Variants in AKAP6 observed in about 807,000 individuals in gnomAD.
The protein encoded by AKAP6 is A-kinase anchoring protein 6, also known as A-kinase anchor protein 6.
AKAP6 carries 58 observed loss-of-function variants against 188.5 expected under a neutral mutation model. That is an observed-to-expected ratio of 0.31 (90% CI 0.25 to 0.38). The LOEUF (loss-of-function observed/expected upper bound fraction) is 0.38, where lower values mean the gene tolerates loss of function less well. AKAP6 is among the 10% of genes least tolerant of loss of function. AKAP6 has a pLI of 1.00. For missense variants in AKAP6, 2,710 were observed against 2,740.0 expected (o/e 0.99, Z 0.24); for synonymous variants, 989 against 998.6 (o/e 0.99, Z 0.18).
rs748766033 is a variant in AKAP6 at position 32,823,856 on chromosome 14, TCTG to T, written c.6047_6049del (p.Ala2016del). 4.3e-6 allele frequency: 7 copies of T among 1,613,352 alleles called. No homozygotes were observed. The African/African-American group carries it at 6.7e-5, about 15-fold the overall frequency. On this transcript the variant is annotated inframe_deletion, in exon 13 of 14. Coordinates refer to ENST00000280979, the MANE Select transcript of AKAP6 (RefSeq NM_004274.5). ...TGATGCACCGAGTATGGCTGGAAAA[TCTG>T]CTGGTTGTTGCCTAGCACTTGAACA...
At chr14:32,391,492 G>A (rs988684892) in intron 1 of AKAP6, among the ~76,000 whole-genome samples, 2 of 152,176 alleles carry the variant, frequency 1.3e-5, no homozygotes, top group African/African-American at 2.4e-5. Flanking sequence ...TAAGAGGTTT[G>A]CTTTCCTTCA....
At chr14:32,380,077 A>T (rs1409260928) in intron 1 of AKAP6, among the ~76,000 whole-genome samples, 1 of 152,226 alleles carries the variant, frequency 6.6e-6, no homozygotes, top group African/African-American at 2.4e-5. Context: ...TCATTCTCAG[A>T]CTGAAGAAAC....
At chr14:32,403,882 T>A (rs1353216561) in intron 1 of AKAP6, among the ~76,000 whole-genome samples, 1 of 152,176 alleles carries the variant, frequency 6.6e-6, no homozygotes, top group Non-Finnish European at 1.5e-5. Flanking sequence ...CACTTCTGAG[T>A]CATCACATTG....
chr14:32,756,355 A>C (rs1162080153), intron 11 of AKAP6, among the ~76,000 whole-genome samples: 2 of 151,868 alleles, frequency 1.3e-5, no homozygotes, highest in Non-Finnish European at 2.9e-5. Flanking sequence ...TGAGTCATGG[A>C]GGTGGACCTG....
chr14:32,768,129 C>G (rs1243025973), intron 11 of AKAP6, among the ~76,000 whole-genome samples: 1 of 152,100 alleles, frequency 6.6e-6, no homozygotes, highest in Non-Finnish European at 1.5e-5. Flanking sequence ...GCCAACCTTC[C>G]CCCACAAAAC....
At chr14:32,412,409 GAAAT>G (rs1311509766) in intron 1 of AKAP6, among the ~76,000 whole-genome samples, 15 of 152,128 alleles carry the variant, frequency 9.9e-5, no homozygotes, top group Admixed American at 2.6e-4. Context: ...GTATCTTTTG[GAAAT>G]AAATTACATG....
At chr14:32,368,928 G>A (rs2138512604) in intron 1 of AKAP6, among the ~76,000 whole-genome samples, 1 of 152,054 alleles carries the variant, frequency 6.6e-6, no homozygotes, top group Middle Eastern at 3.4e-3. Flanking sequence ...TAAGGACAGG[G>A]ATAAGCCACT....
intron 7 of AKAP6, among the ~76,000 whole-genome samples, chr14:32,661,357 C>G (rs571553794): frequency 6.6e-6 from 1 of 152,112 alleles, no homozygotes; most frequent in African/African-American, 2.4e-5. Context: ...GCTTACCACA[C>G]CCTGGATATT....
intron 5 of AKAP6, among the ~76,000 whole-genome samples, chr14:32,597,181 A>G (rs1028310896): frequency 2.6e-5 from 4 of 152,152 alleles, no homozygotes; most frequent in African/African-American, 7.2e-5. Flanking sequence ...GGCTTCAATT[A>G]TATCAAATTA....
At chr14:32,561,125 A>G (rs891605782) in intron 4 of AKAP6, among the ~76,000 whole-genome samples, 1 of 152,192 alleles carries the variant, frequency 6.6e-6, no homozygotes, top group African/African-American at 2.4e-5. Context: ...CTTACTGTAT[A>G]AGTCTTCTAG....
intron 1 of AKAP6, among the ~76,000 whole-genome samples, chr14:32,410,421 C>T (rs1486608986): frequency 6.6e-6 from 1 of 152,098 alleles, no homozygotes; most frequent in African/African-American, 2.4e-5. Flanking sequence ...TTGAGTTGTC[C>T]TGCCTTTCCA....
chr14:32,816,850 T>C (rs1270843679), intron 12 of AKAP6, among the ~76,000 whole-genome samples: 1 of 152,214 alleles, frequency 6.6e-6, no homozygotes, highest in Non-Finnish European at 1.5e-5. Context: ...CTCTCCTGCC[T>C]GGTTTTTGCA....
chr14:32,439,883 A>T (rs1355771720), intron 2 of AKAP6, among the ~76,000 whole-genome samples: 1 of 152,210 alleles, frequency 6.6e-6, no homozygotes, highest in Non-Finnish European at 1.5e-5. Context: ...TTTCCAGCAC[A>T]TCTTAAATAT....
At chr14:32,422,626 G>C (rs186858960) in intron 1 of AKAP6, among the ~76,000 whole-genome samples, 4 of 152,286 alleles carry the variant, frequency 2.6e-5, no homozygotes, top group Admixed American at 2.0e-4. Flanking sequence ...CCACCCACAT[G>C]GTTGCCCAAA....
At chr14:32,479,715 C>T (rs1879243462) in intron 2 of AKAP6, among the ~76,000 whole-genome samples, 1 of 152,090 alleles carries the variant, frequency 6.6e-6, no homozygotes, top group South Asian at 2.1e-4. Flanking sequence ...GAGGTAGTCA[C>T]ATCATGAGGG....
intron 2 of AKAP6, among the ~76,000 whole-genome samples, chr14:32,505,743 G>A (rs1299103668): frequency 1.3e-5 from 2 of 152,068 alleles, no homozygotes; most frequent in African/African-American, 4.8e-5. Flanking sequence ...AAGTCATACG[G>A]TATTTATATC....
intron 2 of AKAP6, among the ~76,000 whole-genome samples, chr14:32,531,429 G>C (rs983615777): frequency 6.6e-6 from 1 of 152,180 alleles, no homozygotes; most frequent in Non-Finnish European, 1.5e-5. Context: ...GAATACGAAG[G>C]CAGTATGTGA....
intron 2 of AKAP6, among the ~76,000 whole-genome samples, chr14:32,514,831 G>C (rs1323748078): frequency 2.0e-5 from 3 of 152,166 alleles, no homozygotes; most frequent in Admixed American, 2.0e-4. Context: ...GTAATGGCCT[G>C]AACCCAGCAT....
At position 32,821,981 on chromosome 14, in the gene AKAP6, C is replaced by T. The variant is rs757924200; in HGVS notation, c.4168C>T (p.Pro1390Ser). The stretch of plus-strand genomic sequence containing the variant: ...CTTGCTCAATGCAGTGGATGGGTCC[C>T]CAAGTAACCTTGAAACTGAACATCT... ...MCLLNAVDGS[P>S]SNLETEHLDP... is the part of the protein sequence containing the mutation. Residue 1390 changes from proline to serine, a missense_variant, in exon 13 of 14, where the codon CCA becomes TCA. Physicochemically the swap from Pro to Ser is moderately conservative, Grantham distance 74 (BLOSUM62 -1). Around this residue, in one of 2 missense-constraint regions of AKAP6, gnomAD observed 2,473 missense variants for 2,426.1 expected, o/e 1.02. Coordinates refer to ENST00000280979, the MANE Select transcript of AKAP6 (RefSeq NM_004274.5). 6.2e-7 allele frequency: 1 copy of T among 1,613,846 alleles called. No homozygotes were observed. The highest frequency in any genetic ancestry group is 1.3e-5 in the African/African-American group (1 of 74,966).
Sources: gnomAD v4.1 joint callset for allele counts (sites outside exome capture counted in the v4.1 genomes callset) on GRCh38, gnomAD v4.1.1 for gene constraint, gnomAD v4.1.1 regional missense constraint, MANE v1.5 for transcripts, NCBI Gene and HGNC (gene_info 2026-07-23, HGNC 2026-07-21) for gene names.